Variants in IL5RA observed in about 807,000 individuals in gnomAD.
The protein encoded by IL5RA is interleukin 5 receptor subunit alpha.
Under a neutral mutation model 50.0 loss-of-function variants are expected in IL5RA, and 49 were observed. The observed-to-expected ratio is 0.98, with a 90% CI of 0.78 to 1.24. IL5RA has a LOEUF of 1.24. IL5RA is among the 50% of genes most tolerant of loss of function. The pLI is 0.00. For missense variants in IL5RA, 600 were observed against 500.4 expected (o/e 1.20, Z -1.90); for synonymous variants, 202 against 174.0 (o/e 1.16, Z -1.26).
rs1378752587 is a variant in IL5RA, at chr3:3,097,942, C to T, written c.637G>A (p.Val213Met). 6.2e-7 allele frequency: 1 copy of T among 1,614,060 alleles called. No individual in the cohort carries two copies. The highest frequency in any genetic ancestry group is 8.5e-7 in the Non-Finnish European group (1 of 1,180,034). The change falls in exon 7 of 12, where the codon GTG becomes ATG. Residue 213 changes from valine (V) to methionine (M), a missense_variant. Coordinates refer to ENST00000446632, the MANE Select transcript of IL5RA (RefSeq NM_175726.4). ...ILSKGRDWLA[V>M]LVNGSSKHSA... ...TGCTTGCTGGAGCCGTTAACAAGCA[C>T]CGCAAGCCAGTCACGCCCTTTGCTG...
At chr3:3,075,875 C>G (rs1264049760) in intron 10 of IL5RA, among the ~76,000 whole-genome samples, 1 of 152,196 alleles carries the variant, frequency 6.6e-6, no homozygotes, top group African/African-American at 2.4e-5. Context: ...GCTGGGATTA[C>G]AGGAGTGAGC....
intron 5 of IL5RA, among the ~76,000 whole-genome samples, chr3:3,098,542 AG>A (rs1703475563): frequency 6.6e-6 from 1 of 151,964 alleles, no homozygotes; most frequent in Non-Finnish European, 1.5e-5. Context: ...CAAGTAGCTG[AG>A]ATGACAGGTG....
At chr3:3,081,303 T>C (rs1361957714) in intron 9 of IL5RA, among the ~76,000 whole-genome samples, 1 of 152,220 alleles carries the variant, frequency 6.6e-6, no homozygotes, top group Non-Finnish European at 1.5e-5. Context: ...CCCAGTCGAT[T>C]TCCTGAGTAA....
intron 11 of IL5RA, among the ~76,000 whole-genome samples, chr3:3,074,216 CT>C (rs1408167713): frequency 6.6e-6 from 1 of 152,202 alleles, no homozygotes; most frequent in Non-Finnish European, 1.5e-5. Flanking sequence ...AAAGTTCCCT[CT>C]GAAAATTCTC....
At chr3:3,102,510 CGCTA>C (rs1490795473) in intron 4 of IL5RA, among the ~76,000 whole-genome samples, 161 bp downstream of exon 4, 1 of 152,192 alleles carries the variant, frequency 6.6e-6, no homozygotes, top group Non-Finnish European at 1.5e-5. Flanking sequence ...ATACACCCGG[CGCTA>C]GCTCACAGGC....
chr3:3,089,971 G>T, intron 9 of IL5RA: 1 of 448,922 alleles, frequency 2.2e-6, no homozygotes, highest in East Asian at 4.5e-5. Context: ...GCAGAATCCT[G>T]TCCCACCATG....
rs1293473099 is a variant in IL5RA at position 3,092,448 on chromosome 3, T to C, written c.856-86A>G. 9.1e-6 allele frequency: 11 copies of C among 1,211,154 alleles called. No individual in the cohort carries two copies. The highest frequency in any genetic ancestry group is 1.3e-5 in the Non-Finnish European group (11 of 846,906). 75.0% of individuals were successfully genotyped at this position (1,211,154 alleles called of 1,614,324 possible). A position where few individuals can be genotyped will look rare whatever the true frequency, so the allele number is the denominator to read the frequency against. ...ATCAGAATGGGAGGTCCTATATAGG[T>C]CATGTGACTCACTGTTCAGCAAGTC... On this transcript the variant is annotated intron_variant, in intron 8 of 11. Transcript: ENST00000446632. The surrounding 1 kb of genome is among the most constrained non-coding windows in gnomAD (Gnocchi z 4.2).
intron 9 of IL5RA, among the ~76,000 whole-genome samples, chr3:3,077,597 C>G (rs1319619388): frequency 6.6e-6 from 1 of 152,162 alleles, no homozygotes; most frequent in Non-Finnish European, 1.5e-5. Context: ...GGTGAAATCC[C>G]ATCTCTACTA....
At chr3:3,109,145 C>A (rs1704067459) in intron 1 of IL5RA, among the ~76,000 whole-genome samples, 2 of 145,516 alleles carry the variant, frequency 1.4e-5, no homozygotes, top group Non-Finnish European at 3.2e-5. Flanking sequence ...CCTTTTTCCC[C>A]CTTTTTTTTG....
Sources: allele counts gnomAD v4.1 joint callset (sites outside exome capture counted in the v4.1 genomes callset), GRCh38; gene constraint gnomAD v4.1.1; non-coding constraint Gnocchi (gnomAD v3.1); transcripts MANE v1.5; gene names NCBI Gene and HGNC (gene_info 2026-07-23, HGNC 2026-07-21).